The following TRPM6 variants were observed in gnomAD, a reference collection of about 807,000 sequenced individuals.
TRPM6 encodes the protein channel kinase 2.
TRPM6 carries 111 observed loss-of-function variants against 247.6 expected under a neutral mutation model. The ratio of observed to expected loss-of-function variants is 0.45; its 90% CI spans 0.38 to 0.52. TRPM6 has a LOEUF of 0.52. Ranked by LOEUF, TRPM6 falls within the 20% of genes least tolerant of loss-of-function variation. TRPM6 has a pLI of 0.00. For synonymous variants in TRPM6, 892 were observed against 853.8 expected (o/e 1.04, Z -0.78); for missense variants, 2,126 against 2,421.5 (o/e 0.88, Z 2.56).
intron 12 of TRPM6, among the ~76,000 whole-genome samples, chr9:74,811,510 C>T (rs1024853979): frequency 6.6e-6 from 1 of 152,154 alleles, no homozygotes; most frequent in African/African-American, 2.4e-5. Flanking sequence ...GTAAGTCAGG[C>T]TAGTTTCAAC....
At chr9:74,759,805 C>A (rs879606154) in intron 27 of TRPM6, among the ~76,000 whole-genome samples, 3 of 151,866 alleles carry the variant, frequency 2.0e-5, no homozygotes, top group Non-Finnish European at 4.4e-5. Context: ...TTTCAAAGGA[C>A]GTTTACGAAA....
chr9:74,778,045 G>C (rs558245499), intron 23 of TRPM6, among the ~76,000 whole-genome samples: 39 of 152,338 alleles, frequency 2.6e-4, no homozygotes, highest in African/African-American at 8.9e-4. Flanking sequence ...GCCAGGATGG[G>C]CTTGGCCGCC....
At chr9:74,869,927 G>A (rs2118452010) in intron 1 of TRPM6, among the ~76,000 whole-genome samples, 1 of 152,240 alleles carries the variant, frequency 6.6e-6, no homozygotes, top group Non-Finnish European at 1.5e-5. Flanking sequence ...TGGTAAATTT[G>A]CCCAAGACCT....
Position 74,801,368 on chromosome 9 carries a change from T to C in TRPM6, c.2009+530A>G, listed in dbSNP as rs1231944882. On this transcript the variant is annotated intron_variant, in intron 16 of 38. Transcript: ENST00000360774. ...TGCCTCCAGCCTGGGAATTTTTACA[T>C]CAAAATTATAAATTAGTTTCCATTG... is the stretch of plus-strand genomic sequence containing the variant. 3.4e-5 allele frequency among the ~76,000 whole-genome samples: 5 copies of C among 145,724 alleles called. No individual in the cohort carries two copies. The East Asian group carries it at 1.1e-3, about 32-fold the overall frequency.
intron 7 of TRPM6, chr9:74,827,559 G>A: frequency 1.5e-6 from 1 of 661,058 alleles, no homozygotes; most frequent in South Asian, 1.7e-5. Flanking sequence ...GATCATGGAA[G>A]GATGAAGACT....
At chr9:74,726,060 A>G (rs1270732173) in intron 38 of TRPM6, among the ~76,000 whole-genome samples, 1 of 152,200 alleles carries the variant, frequency 6.6e-6, no homozygotes, top group Non-Finnish European at 1.5e-5. Flanking sequence ...AAAAATGAAA[A>G]ATCACCTCTA....
intron 2 of TRPM6, among the ~76,000 whole-genome samples, chr9:74,856,613 C>T (rs1157674877): frequency 1.3e-5 from 2 of 152,094 alleles, no homozygotes; most frequent in Non-Finnish European, 2.9e-5. Flanking sequence ...CTGTCCCAGC[C>T]TTTTGGGAAT....
rs550401054 is a variant in TRPM6 at position 74,793,477 on chromosome 9, A to G, written c.2392-707T>C. 3.5e-4 allele frequency among the ~76,000 whole-genome samples: 54 copies of G among 152,122 alleles called. No homozygotes were observed. The South Asian group carries it at 5.6e-3, about 16-fold the overall frequency. ...AGAGATTCTCATACCTCAGCCTCCC[A>G]AGTAGCTGGGCTTACAGTCACCCGC... On this transcript the variant is annotated intron_variant, in intron 18 of 38. Coordinates refer to ENST00000360774, the MANE Select transcript of TRPM6 (RefSeq NM_017662.5).
intron 23 of TRPM6, among the ~76,000 whole-genome samples, chr9:74,781,595 AAG>A: frequency 6.6e-6 from 1 of 151,802 alleles, no homozygotes; most frequent in Non-Finnish European, 1.5e-5. Context: ...AAGGAAACGA[AAG>A]AGAGGAAAGG....
intron 6 of TRPM6, among the ~76,000 whole-genome samples, chr9:74,831,831 T>C (rs1324574634): frequency 6.6e-6 from 1 of 152,228 alleles, no homozygotes; most frequent in African/African-American, 2.4e-5. Context: ...AAGCATTTAT[T>C]CAGCCCTTCC....
chr9:74,865,448 G>A (rs1466387815), intron 1 of TRPM6, among the ~76,000 whole-genome samples: 1 of 152,200 alleles, frequency 6.6e-6, no homozygotes, highest in Non-Finnish European at 1.5e-5. Context: ...AAAAAGGGAA[G>A]AGGAAATGGA....
chr9:74,858,812 T>A (rs1260540639), intron 1 of TRPM6, 64 bp from the exon 2 acceptor site: 2 of 1,323,558 alleles, frequency 1.5e-6, no homozygotes, highest in Non-Finnish European at 2.2e-6. Flanking sequence ...ACCATAGTAG[T>A]TCCTGCAGGT....
chr9:74,751,491 T>C (rs1442160902), intron 29 of TRPM6, among the ~76,000 whole-genome samples: 5 of 152,218 alleles, frequency 3.3e-5, no homozygotes, highest in Non-Finnish European at 1.5e-5. Context: ...ATGCTATTCC[T>C]ACAAGAATAT....
intron 18 of TRPM6, among the ~76,000 whole-genome samples, chr9:74,795,484 A>T (rs1156988726): frequency 6.6e-6 from 1 of 152,120 alleles, no homozygotes; most frequent in East Asian, 1.9e-4. Context: ...GCTGAACCAT[A>T]CCACTTGCGA....
rs750283705 is a variant in TRPM6, at chr9:74,799,518, A to T, written c.2238+736T>A. On this transcript the variant is annotated intron_variant, in intron 17 of 38. Coordinates refer to ENST00000360774, the MANE Select transcript of TRPM6 (RefSeq NM_017662.5). ...TGGAGGGCAGCCTTATGAAACAGTC[A>T]CTTATTCTCTCAAAAAAAAACACAC... Among the ~76,000 whole-genome samples the T allele has an allele frequency of 4.1e-5, 6 of 147,112 alleles. No individual in the cohort carries two copies. The South Asian group carries it at 1.1e-3, about 26-fold the overall frequency.
At chr9:74,849,107 C>T (rs1360245610) in intron 3 of TRPM6, among the ~76,000 whole-genome samples, 1 of 152,108 alleles carries the variant, frequency 6.6e-6, no homozygotes, top group Non-Finnish European at 1.5e-5. Context: ...CCCAGCACTT[C>T]GGGAGGCCGA....
Position 74,775,886 on chromosome 9 carries a change from A to G in TRPM6, c.3400T>C (p.Leu1134=). ...TGCCTCACATAGAACAACTTACTTA[A>G]TCCAACGTCACCCTCTTCTTGGTCG... ...PHDQEEGDVG[L]KLYLSKEDLK... Residue 1134 remains leucine, a synonymous_variant, in exon 24 of 39, where the codon TTA becomes CTA. Transcript: ENST00000360774. 1 of 1,613,992 alleles carries G rather than the reference A, an allele frequency of 6.2e-7. No homozygotes were observed. The highest frequency in any genetic ancestry group is 1.1e-5 in the South Asian group (1 of 91,068).
intron 1 of TRPM6, among the ~76,000 whole-genome samples, chr9:74,886,334 A>G (rs1202446692): frequency 1.3e-5 from 2 of 152,230 alleles, no homozygotes; most frequent in African/African-American, 4.8e-5. Flanking sequence ...ACGCTTTATC[A>G]GTCCTGTAAG....
At chr9:74,880,845 AAGAG>A (rs1230513325) in intron 1 of TRPM6, among the ~76,000 whole-genome samples, 1 of 152,222 alleles carries the variant, frequency 6.6e-6, no homozygotes, top group Admixed American at 6.5e-5. Context: ...GATAAACAAT[AAGAG>A]AGAAAGAAAA....
Sources: allele counts gnomAD v4.1 joint callset (sites outside exome capture counted in the v4.1 genomes callset), GRCh38; gene constraint gnomAD v4.1.1; transcripts MANE v1.5; gene names NCBI Gene and HGNC (gene_info 2026-07-23, HGNC 2026-07-21).